Variants in RPS6KA2 observed in about 807,000 individuals in gnomAD.
The protein encoded by RPS6KA2 is ribosomal protein S6 kinase alpha-2.
A neutral mutation model predicts 91.8 loss-of-function variants in RPS6KA2; 42 were observed. That is an observed-to-expected ratio of 0.46 (90% CI 0.36 to 0.59). The LOEUF is 0.59. RPS6KA2 is among the 20% of genes least tolerant of loss of function. RPS6KA2 has a pLI of 0.00. For missense variants in RPS6KA2, 798 were observed against 978.5 expected, an observed-to-expected ratio of 0.82 and a Z score of 2.46; for synonymous variants, 414 against 393.6, an observed-to-expected ratio of 1.05 and a Z score of -0.61.
At position 166,683,687 on chromosome 6, in the gene RPS6KA2, T is replaced by A. The variant is rs565894828; in HGVS notation, c.124-144903A>T. ...GGATAACTAGGTAGGCGCAAATATG[T>A]CAGAGCACATCAGACTGAGAACACA... On this transcript the variant is annotated intron_variant, in intron 2 of 21. Coordinates refer to the RPS6KA2 transcript ENST00000503859. 8.5e-5 allele frequency among the ~76,000 whole-genome samples: 13 copies of A among 152,346 alleles called. No homozygotes were observed. In the South Asian group the frequency reaches 2.5e-3, roughly 29 times the overall value.
At chr6:166,592,699 C>CG (rs397692630) in intron 1 of RPS6KA2, among the ~76,000 whole-genome samples, 1 of 60 alleles carries the variant, frequency 0.017, no homozygotes, top group African/African-American at 0.062. Context: ...CAGCGCTTCA[C>CG]TTCCAGGAGA....
At chr6:166,862,109 T>C (rs1781059650) in exon 1 of RPS6KA2, 1 of 1,614,140 alleles carries the variant, frequency 6.2e-7, no homozygotes, top group African/African-American at 1.3e-5. Context: ...TGCACTCACC[T>C]CTATTTCCAT....
At chr6:166,747,298 A>G (rs1216626767) in intron 2 of RPS6KA2, among the ~76,000 whole-genome samples, 1 of 151,952 alleles carries the variant, frequency 6.6e-6, no homozygotes, top group Non-Finnish European at 1.5e-5. Context: ...TCATCACTTC[A>G]CCGATTCCAA....
intron 3 of RPS6KA2, among the ~76,000 whole-genome samples, chr6:166,513,611 G>A (rs766409662): frequency 6.6e-6 from 1 of 152,202 alleles, no homozygotes; most frequent in South Asian, 2.1e-4. Context: ...GTACGTCCCA[G>A]CCAGCATGTG....
At chr6:166,486,562 TG>T (rs1781417207) in intron 10 of RPS6KA2, among the ~76,000 whole-genome samples, 1 of 152,210 alleles carries the variant, frequency 6.6e-6, no homozygotes, top group African/African-American at 2.4e-5. Flanking sequence ...CTATAAAATG[TG>T]TGCAGTGACC....
At position 166,715,675 on chromosome 6, in the gene RPS6KA2, G is replaced by A. The variant is rs937776287; in HGVS notation, c.123+142525C>T. On this transcript the variant is annotated intron_variant, in intron 2 of 21. Transcript: ENST00000503859. Reference sequence around the variant, plus strand: ...TGGTGTAGCCCATGGCTCCTAGGCCGGAGCCTGCACACACACGGCTGCGCT... The same window carrying A: ...TGGTGTAGCCCATGGCTCCTAGGCCAGAGCCTGCACACACACGGCTGCGCT... Among the ~76,000 whole-genome samples the A allele has an allele frequency of 2.0e-5, 3 of 152,172 alleles. No homozygotes were observed. In the East Asian group the frequency reaches 5.8e-4, roughly 29 times the overall value.
intron 2 of RPS6KA2, among the ~76,000 whole-genome samples, chr6:166,663,039 C>A (rs990739871): frequency 1.3e-5 from 2 of 152,064 alleles, no homozygotes; most frequent in African/African-American, 4.8e-5. Flanking sequence ...GCCTCCAGAA[C>A]TGAGAGACAT....
intron 19 of RPS6KA2, among the ~76,000 whole-genome samples, chr6:166,416,840 GCCA>G (rs1174118407): frequency 1.3e-5 from 2 of 150,946 alleles, no homozygotes; most frequent in Non-Finnish European, 3.0e-5. Flanking sequence ...CGCCACCTCT[GCCA>G]CCACTTCTGC....
intron 1 of RPS6KA2, among the ~76,000 whole-genome samples, chr6:166,861,912 G>A (rs879789494): frequency 1.3e-5 from 2 of 152,226 alleles, no homozygotes; most frequent in Non-Finnish European, 2.9e-5. Context: ...AATGCCGTGC[G>A]TGTATACACA....
rs993193136 is a variant in RPS6KA2, at chr6:166,825,684, C to T, written c.123+32516G>A. 1.3e-5 allele frequency among the ~76,000 whole-genome samples: 2 copies of T among 152,144 alleles called. No individual in the cohort carries two copies. The highest frequency in any genetic ancestry group is 1.3e-4 in the Admixed American group (2 of 15,272). On this transcript the variant is annotated intron_variant, in intron 2 of 21. Coordinates refer to the RPS6KA2 transcript ENST00000503859. This position sits in a 1 kb window ranked among gnomAD's most constrained non-coding sequence, Gnocchi z 4.1. ...CCTAGTACATAGACAGCAACTTCTC[C>T]CTGTGTCCCCGGTGGTGGAAGTGGT...
At chr6:166,492,944 C>A (rs1419947916) in intron 8 of RPS6KA2, among the ~76,000 whole-genome samples, 2 of 145,438 alleles carry the variant, frequency 1.4e-5, no homozygotes, top group Non-Finnish European at 3.0e-5. Flanking sequence ...GTTGGCCAGG[C>A]TGAACTGGAA....
intron 11 of RPS6KA2, chr6:166,465,469 T>C (rs1780482092): frequency 6.6e-6 from 1 of 152,308 alleles, no homozygotes; most frequent in South Asian, 2.1e-4. Flanking sequence ...ACGGGCAAAC[T>C]TGACTCATGA....
At chr6:166,719,868 G>T (rs917077516) in intron 2 of RPS6KA2, among the ~76,000 whole-genome samples, 16 of 152,270 alleles carry the variant, frequency 1.1e-4, no homozygotes, top group African/African-American at 3.6e-4. Flanking sequence ...TATAAAGAAT[G>T]TTCATATTAT....
At chr6:166,416,841 C>T (rs947894657) in intron 19 of RPS6KA2, among the ~76,000 whole-genome samples, 2 of 152,070 alleles carry the variant, frequency 1.3e-5, no homozygotes, top group East Asian at 3.9e-4. Context: ...GCCACCTCTG[C>T]CACCACTTCT....
intron 2 of RPS6KA2, chr6:166,702,881 A>T (rs1054405342): frequency 2.4e-6 from 2 of 845,416 alleles, no homozygotes; most frequent in South Asian, 3.1e-5. Flanking sequence ...GAGAAAAACG[A>T]AAATTAAAAC....
At chr6:166,764,656 G>T (rs952547979) in intron 2 of RPS6KA2, among the ~76,000 whole-genome samples, 1 of 152,096 alleles carries the variant, frequency 6.6e-6, no homozygotes, top group Admixed American at 6.5e-5. Context: ...ACTTCCCCAG[G>T]CACAGCCGGG....
At position 166,648,135 on chromosome 6, in the gene RPS6KA2, TGC is replaced by T. The variant is rs1235350173; in HGVS notation, c.124-109353_124-109352del. Among the ~76,000 whole-genome samples, 3 of 121,420 alleles carry T rather than the reference TGC, an allele frequency of 2.5e-5. No individual in the cohort carries two copies. Among genetic ancestry groups the T allele is most frequent in the Non-Finnish European group, 5.1e-5 (3 of 58,596 alleles). 79.7% of individuals were successfully genotyped at this position (121,420 alleles called of 152,430 possible). ...GCACACACACGCTCATACACATACA[TGC>T]ACACACGCACATGGTTACACACCCA... On this transcript the variant is annotated intron_variant, in intron 2 of 21. Coordinates refer to the RPS6KA2 transcript ENST00000503859. This position sits in a 1 kb window ranked among gnomAD's most constrained non-coding sequence, Gnocchi z 4.8.
In RPS6KA2 at chr6:166,733,730, T is replaced by C. The variant is rs1005124773; in HGVS notation, c.123+124470A>G. On this transcript the variant is annotated intron_variant, in intron 2 of 21. Coordinates refer to the RPS6KA2 transcript ENST00000503859. The surrounding 1 kb of genome is among the most constrained non-coding windows in gnomAD (Gnocchi z 4.1). ...AGCGGGTTCCGGAGCTCACTCTAAG[T>C]GGGGAAGTGGAGGCTGCCCTGGTAG... 1.3e-5 allele frequency among the ~76,000 whole-genome samples: 2 copies of C among 152,070 alleles called. No homozygotes were observed. The highest frequency in any genetic ancestry group is 2.9e-5 in the Non-Finnish European group (2 of 67,992).
chr6:166,720,926 G>A (rs1346674409), intron 2 of RPS6KA2, among the ~76,000 whole-genome samples: 1 of 152,190 alleles, frequency 6.6e-6, no homozygotes, highest in Non-Finnish European at 1.5e-5. Context: ...TCAGATAGTT[G>A]AGGAGAAGAC....
Sources: gnomAD v4.1 joint callset for allele counts (sites outside exome capture counted in the v4.1 genomes callset) on GRCh38, gnomAD v4.1.1 for gene constraint, Gnocchi (gnomAD v3.1) non-coding constraint, MANE v1.5 for transcripts, NCBI Gene and HGNC (gene_info 2026-07-23, HGNC 2026-07-21) for gene names.